The following MARCHF8 variants were observed in gnomAD, a reference collection of about 807,000 sequenced individuals.
MARCHF8 encodes E3 ubiquitin-protein ligase MARCHF8.
Under a neutral mutation model 51.6 loss-of-function variants are expected in MARCHF8, and 40 were observed. The ratio of observed to expected loss-of-function variants is 0.77; its 90% confidence interval spans 0.60 to 1.01. The LOEUF is 1.01. Among genes scored for constraint, MARCHF8 ranks in the 50% least tolerant of loss-of-function variants. The pLI is 0.00. For synonymous variants in MARCHF8, 263 were observed against 280.3 expected (o/e 0.94, Z 0.62); for missense variants, 685 against 708.6 (o/e 0.97, Z 0.38).
At chr10:45,589,574 C>T (rs2044655431) in intron 1 of MARCHF8, among the ~76,000 whole-genome samples, 1 of 152,142 alleles carries the variant, frequency 6.6e-6, no homozygotes, top group Non-Finnish European at 1.5e-5. Context: ...TTTCCCCACC[C>T]CCTACCCCAA....
intron 1 of MARCHF8, among the ~76,000 whole-genome samples, chr10:45,560,440 C>T (rs1387968300): frequency 6.6e-6 from 1 of 152,168 alleles, no homozygotes; most frequent in Admixed American, 6.6e-5. Context: ...TTTCATCATC[C>T]GCACACAGGA....
At chr10:45,567,552 G>A (rs1002929415) in intron 1 of MARCHF8, among the ~76,000 whole-genome samples, 1 of 152,100 alleles carries the variant, frequency 6.6e-6, no homozygotes, top group African/African-American at 2.4e-5. Flanking sequence ...CCCAGAGTAT[G>A]TTCTTGGCTC....
chr10:45,546,196 T>C (rs1188419513), intron 1 of MARCHF8, among the ~76,000 whole-genome samples: 1 of 151,612 alleles, frequency 6.6e-6, no homozygotes, highest in Non-Finnish European at 1.5e-5. Flanking sequence ...GGTCTCGCTC[T>C]GTTGCCCAGG....
At chr10:45,486,850 C>A (rs1488038091) in intron 3 of MARCHF8, among the ~76,000 whole-genome samples, 2 of 140,852 alleles carry the variant, frequency 1.4e-5, no homozygotes, top group Non-Finnish European at 3.0e-5. Flanking sequence ...GCTCTTGTTG[C>A]CTAAGCTGGA....
At chr10:45,588,991 T>A (rs2044647963) in intron 1 of MARCHF8, among the ~76,000 whole-genome samples, 1 of 96,274 alleles carries the variant, frequency 1.0e-5, no homozygotes. Context: ...AGAGCAAGAC[T>A]ACGTTTCAAA....
In MARCHF8 at chr10:45,460,749, G is replaced by A. The variant is rs145996035; in HGVS notation, c.1269+482C>T. 2.1e-3 allele frequency among the ~76,000 whole-genome samples: 316 copies of A among 152,272 alleles called. 1 individual carries two copies. Among genetic ancestry groups the A allele is most frequent in the African/African-American group, 7.2e-3 (298 of 41,556 alleles). On this transcript the variant is annotated intron_variant, in intron 6 of 7. Coordinates refer to ENST00000453424, the MANE Select transcript of MARCHF8 (RefSeq NM_001282866.2). ...GACAGTTGCACATCACGCAACGTTT[G>A]TGCTTCCTTTCTTTTCCCTATCCAC...
chr10:45,574,215 A>C (rs1435851150), intron 1 of MARCHF8, among the ~76,000 whole-genome samples: 1 of 152,272 alleles, frequency 6.6e-6, no homozygotes, highest in South Asian at 2.1e-4. Flanking sequence ...AGCACGCTTT[A>C]AAAGGATTAA....
intron 5 of MARCHF8, 77 bp from the exon 6 acceptor site, chr10:45,461,488 C>T: frequency 7.7e-7 from 1 of 1,293,518 alleles, no homozygotes. Flanking sequence ...GCAGGTTAAT[C>T]CCCCCAAAGG....
At chr10:45,569,417 T>A (rs1210761026) in intron 1 of MARCHF8, among the ~76,000 whole-genome samples, 3 of 152,248 alleles carry the variant, frequency 2.0e-5, no homozygotes, top group Non-Finnish European at 4.4e-5. Context: ...GATCTGCATA[T>A]GCTGAAGCAT....
At chr10:45,532,322 T>C (rs983947344) in intron 2 of MARCHF8, among the ~76,000 whole-genome samples, 3 of 152,246 alleles carry the variant, frequency 2.0e-5, no homozygotes, top group Non-Finnish European at 4.4e-5. Context: ...GGCCTAACTG[T>C]TGGACATTTT....
chr10:45,511,753 C>G (rs1399242145), intron 2 of MARCHF8, among the ~76,000 whole-genome samples: 4 of 152,044 alleles, frequency 2.6e-5, no homozygotes, highest in African/African-American at 7.2e-5. Context: ...GATCTCGGCT[C>G]GCTACAACCT....
chr10:45,579,437 A>ATTTTTTTTTTTTTTTTTTTTTTTT (rs1335051170), intron 1 of MARCHF8, among the ~76,000 whole-genome samples: 10 of 150,702 alleles, frequency 6.6e-5, no homozygotes, highest in Non-Finnish European at 1.5e-4. Context: ...TATAAAGCAA[A>ATTTTTTTTTTTTTTTTTTTTTTTT]TTTCTTTTAA....
At chr10:45,525,484 T>C (rs568946711) in intron 2 of MARCHF8, among the ~76,000 whole-genome samples, 28 of 152,336 alleles carry the variant, frequency 1.8e-4, no homozygotes, top group African/African-American at 6.7e-4. Context: ...TCTTGCAATT[T>C]GGGTTCCAGA....
At chr10:45,578,132 A>G (rs1337077141) in intron 1 of MARCHF8, among the ~76,000 whole-genome samples, 1 of 152,202 alleles carries the variant, frequency 6.6e-6, no homozygotes, top group Non-Finnish European at 1.5e-5. Context: ...ATAATGACAC[A>G]TCAGTCACAA....
chr10:45,504,486 A>T (rs1475716221), intron 2 of MARCHF8, among the ~76,000 whole-genome samples: 3 of 152,176 alleles, frequency 2.0e-5, no homozygotes, highest in East Asian at 3.9e-4. Context: ...GATGTATAAA[A>T]CACTGTGCTA....
Position 45,483,791 on chromosome 10 carries a change from A to T in MARCHF8, c.153+5576T>A, listed in dbSNP as rs546342721. On this transcript the variant is annotated intron_variant, in intron 3 of 7. Transcript: ENST00000453424. ...AACATGGATGGAGGTCATTAGCCAG[A>T]CACAGAAAGACAAATATTACATGTT... Among the ~76,000 whole-genome samples, 16 of 152,362 alleles carry T rather than the reference A, an allele frequency of 1.1e-4. No homozygotes were observed. The South Asian group carries it at 3.1e-3, about 30-fold the overall frequency.
At chr10:45,570,308 T>C (rs2044414976) in intron 1 of MARCHF8, among the ~76,000 whole-genome samples, 1 of 152,106 alleles carries the variant, frequency 6.6e-6, no homozygotes, top group African/African-American at 2.4e-5. Context: ...AAAAGAATAA[T>C]ATATCATGAT....
In MARCHF8 at chr10:45,463,223, A is replaced by C; in HGVS notation, c.1016T>G (p.Leu339Arg). Reference protein sequence around the residue: ...PLCSTEKDSDLDCPSPFSEKL... With the variant: ...PLCSTEKDSDRDCPSPFSEKL... ...TTCAGAGAAGGGAGAAGGACAATCC[A>C]GGTCGCTGTCCTTTTCCGTGGAGCA... The change falls in exon 5 of 8, where the codon CTG becomes CGG. Residue 339 changes from leucine to arginine, a missense_variant. Physicochemically the swap from Leu to Arg is moderately radical, Grantham distance 102. Transcript: ENST00000453424. 1 of 1,550,790 alleles carries C rather than the reference A, an allele frequency of 6.4e-7. No homozygotes were observed. Among genetic ancestry groups the C allele is most frequent in the Non-Finnish European group, 8.7e-7 (1 of 1,147,040 alleles).
chr10:45,533,634 T>G (rs1362296795), intron 1 of MARCHF8, among the ~76,000 whole-genome samples: 3 of 152,176 alleles, frequency 2.0e-5, no homozygotes, highest in African/African-American at 7.2e-5. Context: ...GACCAAGCAT[T>G]TGTCCTGAAA....
Sources: gnomAD v4.1 joint callset for allele counts (sites outside exome capture counted in the v4.1 genomes callset) on GRCh38, gnomAD v4.1.1 for gene constraint, MANE v1.5 for transcripts, NCBI Gene and HGNC (gene_info 2026-07-23, HGNC 2026-07-21) for gene names.